Variants in PCDHGA9 observed in about 807,000 individuals in gnomAD.
The protein encoded by PCDHGA9 is protocadherin gamma-A9.
Under a neutral mutation model 62.5 loss-of-function variants are expected in PCDHGA9, and 37 were observed. The observed-to-expected ratio is 0.59, with a 90% CI of 0.46 to 0.78. PCDHGA9 has a LOEUF of 0.78. Among genes scored for constraint, PCDHGA9 ranks in the 30% least tolerant of loss-of-function variants. PCDHGA9 has a pLI of 0.00. For synonymous variants in PCDHGA9, 459 were observed against 484.6 expected, an observed-to-expected ratio of 0.95 and a Z score of 0.69; for missense variants, 1,138 against 1,166.2, an observed-to-expected ratio of 0.98 and a Z score of 0.35.
At chr5:141,457,422 T>TC (rs1038085994) in intron 1 of PCDHGA9, among the ~76,000 whole-genome samples, 6 of 151,626 alleles carry the variant, frequency 4.0e-5, no homozygotes, top group African/African-American at 7.3e-5. Flanking sequence ...CATCCCTTTT[T>TC]CCCCCCCACC....
rs1241912384 is a variant in PCDHGA9 at position 141,404,765 on chromosome 5, T to C, written c.1813T>C (p.Ser605Pro). ...DRDSGQNAWL[S>P]YRLFKASEPG... is the part of the protein sequence containing the mutation. ...AGACTCAGGCCAGAATGCTTGGCTC[T>C]CCTACCGCCTATTCAAGGCCAGTGA... The change falls in exon 1 of 4, where the codon TCC (serine) becomes CCC (proline). Residue 605 changes from serine (S) to proline (P), a missense_variant. Coordinates refer to ENST00000573521, the MANE Select transcript of PCDHGA9 (RefSeq NM_018921.3). 2.5e-6 allele frequency: 4 copies of C among 1,613,120 alleles called. No individual in the cohort carries two copies. The Admixed American group carries it at 6.7e-5, about 27-fold the overall frequency.
intron 2 of PCDHGA9, among the ~76,000 whole-genome samples, chr5:141,496,639 C>A (rs752903356): frequency 6.6e-6 from 1 of 152,222 alleles, no homozygotes; most frequent in Non-Finnish European, 1.5e-5. Flanking sequence ...TTGGGCTGCC[C>A]TTGCCCTTCC....
rs546603908 is a variant in PCDHGA9, at chr5:141,408,104, C to G, written c.2424+2728C>G. ...ACAGCGGATTGCCAGCTCCGAGACCCGGGACTCCTCCTGTCCTGGGCCGAA... is the reference window on the plus strand; with the variant it reads ...ACAGCGGATTGCCAGCTCCGAGACCGGGGACTCCTCCTGTCCTGGGCCGAA... On this transcript the variant is annotated intron_variant, in intron 1 of 3. Coordinates refer to ENST00000573521, the MANE Select transcript of PCDHGA9 (RefSeq NM_018921.3). The G allele has an allele frequency of 2.8e-3, 4,048 of 1,441,886 alleles. 13 individuals carry two copies. Among genetic ancestry groups the G allele is most frequent in the Admixed American group, 6.6e-3 (242 of 36,606 alleles). 89.3% of individuals were successfully genotyped at this position (1,441,886 alleles called of 1,614,324 possible). A position where few individuals can be genotyped will look rare whatever the true frequency, so the allele number is the denominator to read the frequency against.
chr5:141,407,873 A>T (rs561323423), intron 1 of PCDHGA9: 1 of 354,686 alleles, frequency 2.8e-6, no homozygotes, highest in Non-Finnish European at 5.1e-6. Flanking sequence ...CGAAGAATAT[A>T]TACATTTCGG....
At chr5:141,473,808 C>G (rs1562041705) in intron 1 of PCDHGA9, among the ~76,000 whole-genome samples, 1 of 152,198 alleles carries the variant, frequency 6.6e-6, no homozygotes, top group Non-Finnish European at 1.5e-5. Flanking sequence ...TACTGAGGAG[C>G]AGCTGGACAA....
intron 1 of PCDHGA9, among the ~76,000 whole-genome samples, chr5:141,483,208 G>A (rs1195144442): frequency 6.6e-6 from 1 of 152,196 alleles, no homozygotes; most frequent in East Asian, 1.9e-4. Context: ...ATTCCATATA[G>A]ATGACAGTCA....
At chr5:141,507,786 GTCTAAGCC>G (rs1279265471) in intron 3 of PCDHGA9, among the ~76,000 whole-genome samples, 1 of 152,174 alleles carries the variant, frequency 6.6e-6, no homozygotes, top group Admixed American at 6.5e-5. Flanking sequence ...CCTGACCCTC[GTCTAAGCC>G]TGCGCCCTGG....
intron 1 of PCDHGA9, among the ~76,000 whole-genome samples, chr5:141,479,909 A>G (rs2099509651): frequency 6.6e-6 from 1 of 152,160 alleles, no homozygotes; most frequent in South Asian, 2.1e-4. Context: ...AAACACTGTT[A>G]TTTTGTTACT....
At chr5:141,449,471 G>T (rs1261821886) in intron 1 of PCDHGA9, among the ~76,000 whole-genome samples, 1 of 151,060 alleles carries the variant, frequency 6.6e-6, no homozygotes, top group African/African-American at 2.4e-5. Flanking sequence ...GCCAGGCCTG[G>T]TACCCCATGC....
chr5:141,494,671 C>T, intron 1 of PCDHGA9, 136 bp from the exon 2 acceptor site: 1 of 1,532,340 alleles, frequency 6.5e-7, no homozygotes, highest in East Asian at 2.4e-5. Context: ...GAGATGAGTC[C>T]ACCCCTGCCC....
At chr5:141,449,025 C>G (rs2154562458) in intron 1 of PCDHGA9, among the ~76,000 whole-genome samples, 1 of 152,216 alleles carries the variant, frequency 6.6e-6, no homozygotes, top group East Asian at 1.9e-4. Flanking sequence ...GCTTAGCATT[C>G]CTTTGGATTA....
chr5:141,427,810 G>T, intron 1 of PCDHGA9: 1 of 1,523,990 alleles, frequency 6.6e-7, no homozygotes, highest in Non-Finnish European at 9.0e-7. Flanking sequence ...AGCGCACAGA[G>T]CGGGGTGGTG....
At position 141,432,069 on chromosome 5, in the gene PCDHGA9, A is replaced by G. The variant is rs572724741; in HGVS notation, c.2424+26693A>G. On this transcript the variant is annotated intron_variant, in intron 1 of 3. Transcript: ENST00000573521. The surrounding 1 kb of genome is among the most constrained non-coding windows in gnomAD (Gnocchi z 6.0). ...ACCCCGCCCCTATCCACGGAAACTC[A>G]TATCTCGCTGAACGTGGCAGACACC... 646 of 1,614,168 alleles carry G rather than the reference A, an allele frequency of 4.0e-4. 5 individuals are homozygous for G. In the South Asian group the frequency reaches 6.9e-3, roughly 17 times the overall value.
At chr5:141,468,560 T>TA (rs2099169084) in intron 1 of PCDHGA9, 1 of 152,004 alleles carries the variant, frequency 6.6e-6, no homozygotes, top group Non-Finnish European at 1.5e-5. Context: ...ATTTGTGATA[T>TA]AGTAAACAAT....
At chr5:141,450,627 C>G (rs947866993) in intron 1 of PCDHGA9, among the ~76,000 whole-genome samples, 1 of 151,592 alleles carries the variant, frequency 6.6e-6, no homozygotes, top group African/African-American at 2.4e-5. Context: ...GCTGGGATTA[C>G]AGATGCCTGC....
rs899154780 is a variant in PCDHGA9, at chr5:141,402,932, A to C, written c.-21A>C. ...AGCGCGCACAGAGATCCTTTTGAGAAAATTCCAAAGCGAGGCAGCAATGGC... is the reference window on the plus strand; with the variant it reads ...AGCGCGCACAGAGATCCTTTTGAGACAATTCCAAAGCGAGGCAGCAATGGC... On this transcript the variant is annotated 5_prime_UTR_variant, in exon 1 of 4. Coordinates refer to ENST00000573521, the MANE Select transcript of PCDHGA9 (RefSeq NM_018921.3). 3 of 1,584,974 alleles carry C rather than the reference A, an allele frequency of 1.9e-6. No individual in the cohort carries two copies. In the Admixed American group the frequency reaches 5.4e-5, roughly 29 times the overall value.
intron 1 of PCDHGA9, among the ~76,000 whole-genome samples, chr5:141,474,990 A>G (rs1245269630): frequency 6.6e-6 from 1 of 152,222 alleles, no homozygotes; most frequent in African/African-American, 2.4e-5. Context: ...GGTGACAACA[A>G]TTCTAAATGC....
chr5:141,450,835 T>TA lies in PCDHGA9; in HGVS notation c.2425-43972_2425-43971insA, dbSNP rs1438371595. ...ATTTAATATTATTATTATTATTTTT[T>TA]TTTTTTTGAGATGGGGTCTTGCTCT... is the stretch of plus-strand genomic sequence containing the variant. On this transcript the variant is annotated intron_variant, in intron 1 of 3. Coordinates refer to ENST00000573521, the MANE Select transcript of PCDHGA9 (RefSeq NM_018921.3). 4.0e-3 allele frequency among the ~76,000 whole-genome samples: 570 copies of TA among 142,160 alleles called. 3 individuals are homozygous for TA. The highest frequency in any genetic ancestry group is 0.015 in the Middle Eastern group (4 of 270). The allele number at this position is 142,160 out of a possible 152,430, so 93.3% of individuals were successfully genotyped here.
chr5:141,501,664 TATAG>T (rs1161034391), intron 2 of PCDHGA9, among the ~76,000 whole-genome samples: 1 of 152,064 alleles, frequency 6.6e-6, no homozygotes, highest in East Asian at 1.9e-4. Flanking sequence ...TGTTGGAAAA[TATAG>T]ATAATCACAA....
Sources: gnomAD v4.1 joint callset for allele counts (sites outside exome capture counted in the v4.1 genomes callset) on GRCh38, gnomAD v4.1.1 for gene constraint, Gnocchi (gnomAD v3.1) non-coding constraint, MANE v1.5 for transcripts, NCBI Gene and HGNC (gene_info 2026-07-23, HGNC 2026-07-21) for gene names.